Variants in TEX261 observed in about 807,000 individuals in gnomAD.
TEX261 encodes the protein testis expressed 261.
Under a neutral mutation model 25.1 loss-of-function variants are expected in TEX261, and 13 were observed. The ratio of observed to expected loss-of-function variants is 0.52; its 90% CI spans 0.34 to 0.82. The LOEUF is 0.82. TEX261 is among the 40% of genes least tolerant of loss of function. The pLI is 0.02. For synonymous variants in TEX261, 92 were observed against 97.8 expected, an observed-to-expected ratio of 0.94 and a Z score of 0.35; for missense variants, 206 against 243.2, an observed-to-expected ratio of 0.85 and a Z score of 1.02.
At chr2:70,993,290 C>A (rs1553425841) in intron 2 of TEX261, among the ~76,000 whole-genome samples, 1 of 152,276 alleles carries the variant, frequency 6.6e-6, no homozygotes, top group Non-Finnish European at 1.5e-5. Flanking sequence ...GGACAAATCA[C>A]TTGATCCGAT....
At chr2:70,989,453 G>T (rs1323430243) in intron 4 of TEX261, 1 of 436,902 alleles carries the variant, frequency 2.3e-6, no homozygotes, top group Non-Finnish European at 4.2e-6. Flanking sequence ...TGCCCTGTGA[G>T]GACTGTGTCA....
chr2:70,991,646 T>A (rs1670300156), intron 3 of TEX261, 184 bp downstream of exon 3: 1 of 629,260 alleles, frequency 1.6e-6, no homozygotes, highest in Admixed American at 3.2e-5. Flanking sequence ...CAACAAATTC[T>A]ATTCACTAGA....
chr2:70,988,750 G>C (rs782009792), intron 5 of TEX261, 35 bp from the exon 6 acceptor site: 1 of 1,573,286 alleles, frequency 6.4e-7, no homozygotes. Flanking sequence ...GAGAGAGAGA[G>C]AGAGTGTGTG....
At chr2:70,993,910 G>T in intron 1 of TEX261, 135 bp from the exon 2 acceptor site, 1 of 693,890 alleles carries the variant, frequency 1.4e-6, no homozygotes, top group Non-Finnish European at 2.6e-6. Context: ...CATCCCATGT[G>T]TTGCCCTTCC....
intron 3 of TEX261, among the ~76,000 whole-genome samples, chr2:70,990,937 C>G (rs1246961031): frequency 6.6e-6 from 1 of 152,130 alleles, no homozygotes; most frequent in South Asian, 2.1e-4. Context: ...AAGGAAGAAA[C>G]CAGTTTTGGC....
chr2:70,993,383 A>G lies in TEX261; in HGVS notation c.150+313T>C, dbSNP rs186026499. Among the ~76,000 whole-genome samples, 911 of 152,348 alleles carry G rather than the reference A, an allele frequency of 6.0e-3. 8 individuals are homozygous for G. The highest frequency in any genetic ancestry group is 0.021 in the African/African-American group (857 of 41,580). On this transcript the variant is annotated intron_variant, in intron 2 of 5. Transcript: ENST00000272438. ...AATGCTGTGAGCAGAGCAAAGGGCT[A>G]AAGACAGCGGGAGAGAGCTAAGCAA... is the stretch of plus-strand genomic sequence containing the variant.
At position 70,988,682 on chromosome 2, in the gene TEX261, T is replaced by C. The variant is rs782619880; in HGVS notation, c.509A>G (p.Lys170Arg). ...DVVSNYFTKG[K>R]RGKRLGILVV... ...CAGGATCCCTAAGCGTTTGCCCCGC[T>C]TGCCTTTGGTGAAATAATTGGAGAC... Residue 170 changes from lysine (K) to arginine (R), a missense_variant, in exon 6 of 6, where the codon AAG (lysine) becomes AGG (arginine). Lys to Arg is a conservative substitution (Grantham distance 26). Transcript: ENST00000272438. 1.7e-5 allele frequency: 28 copies of C among 1,614,038 alleles called. No individual in the cohort carries two copies. In the African/African-American group the frequency reaches 3.6e-4, roughly 21 times the overall value.
Position 70,993,655 on chromosome 2 carries a change from C to A in TEX261, c.150+41G>T, listed in dbSNP as rs782749814. On this transcript the variant is annotated intron_variant, in intron 2 of 5. Coordinates refer to ENST00000272438, the MANE Select transcript of TEX261 (RefSeq NM_144582.3). ...CCCACTTCCTGCTTTTGAGGCAGGG[C>A]AAAAGAGTGAGGAGGACTCCTGGAG... 5 of 1,541,990 alleles carry A rather than the reference C, an allele frequency of 3.2e-6. No individual in the cohort carries two copies. In the African/African-American group the frequency reaches 6.8e-5, roughly 21 times the overall value.
chr2:70,988,685 C>T lies in TEX261; in HGVS notation c.506G>A (p.Gly169Asp). The change falls in exon 6 of 6, where the codon GGC becomes GAC. Residue 169 changes from glycine to aspartate, a missense_variant. By Grantham distance (94) the Gly-to-Asp change is moderately conservative. Transcript: ENST00000272438. ...GATCCCTAAGCGTTTGCCCCGCTTG[C>T]CTTTGGTGAAATAATTGGAGACGAC... ...DDVVSNYFTK[G>D]KRGKRLGILV... 6.2e-7 allele frequency: 1 copy of T among 1,614,140 alleles called. No homozygotes were observed. Among genetic ancestry groups the T allele is most frequent in the Non-Finnish European group, 8.5e-7 (1 of 1,180,008 alleles).
intron 2 of TEX261, among the ~76,000 whole-genome samples, chr2:70,992,383 G>A (rs1179682054): frequency 2.0e-5 from 3 of 152,066 alleles, no homozygotes; most frequent in African/African-American, 7.2e-5. Flanking sequence ...GATTACAGGT[G>A]TGAGCCACCG....
intron 3 of TEX261, 155 bp downstream of exon 3, chr2:70,991,675 G>T: frequency 1.2e-6 from 1 of 841,426 alleles, no homozygotes; most frequent in Non-Finnish European, 1.8e-6. Context: ...GGGCTCTAGA[G>T]TCCTCAGCAG....
intron 2 of TEX261, 91 bp downstream of exon 2, chr2:70,993,605 G>A (rs1213732874): frequency 2.5e-5 from 25 of 1,013,252 alleles, no homozygotes; most frequent in Non-Finnish European, 3.8e-5. Flanking sequence ...AGAGACACAG[G>A]CCTCATCATC....
At chr2:70,993,594 C>T in intron 2 of TEX261, 102 bp downstream of exon 2, 1 of 942,568 alleles carries the variant, frequency 1.1e-6, no homozygotes, top group Non-Finnish European at 1.7e-6. Context: ...CAGGAAACAG[C>T]AGAGACACAG....
In TEX261 at chr2:70,994,766, C is replaced by G. The variant is rs1449006708; in HGVS notation, c.-9G>C. The G allele has an allele frequency of 6.3e-7, 1 of 1,583,720 alleles. No homozygotes were observed. The highest frequency in any genetic ancestry group is 8.6e-7 in the Non-Finnish European group (1 of 1,167,996). ...AGGTACATGAACCACATGGCGCCCC[C>G]ACCCGCCCGCTCCCCGGCCACCGGG... is the stretch of plus-strand genomic sequence containing the variant. On this transcript the variant is annotated 5_prime_UTR_variant, in exon 1 of 6. Coordinates refer to ENST00000272438, the MANE Select transcript of TEX261 (RefSeq NM_144582.3).
At chr2:70,988,753 AGTGT>A (rs536484771) in intron 5 of TEX261, 38 bp from the exon 6 acceptor site, 63 of 1,350,512 alleles carry the variant, frequency 4.7e-5, no homozygotes, top group Non-Finnish European at 5.9e-5. Flanking sequence ...AGAGAGAGAG[AGTGT>A]GTGTGTGTGT....
chr2:70,992,057 C>A (rs570247807), intron 2 of TEX261, 74 bp from the exon 3 acceptor site: 4 of 1,436,168 alleles, frequency 2.8e-6, no homozygotes. Context: ...ACCCCCAGCC[C>A]GCTCTGGGCA....
chr2:70,989,328 G>A (rs1232058650), intron 4 of TEX261: 1 of 468,188 alleles, frequency 2.1e-6, no homozygotes, highest in Non-Finnish European at 3.9e-6. Context: ...CCAAAGAAGT[G>A]ACCTTGCTCT....
rs1553425898 is a variant in TEX261, at chr2:70,993,743, C to T, written c.103G>A (p.Glu35Lys). 1 of 1,613,370 alleles carries T rather than the reference C, an allele frequency of 6.2e-7. No homozygotes were observed. The change falls in exon 2 of 6, where the codon GAA (glutamate) becomes AAA (lysine). Residue 35 changes from glutamate to lysine, a missense_variant. By Grantham distance (56) the Glu-to-Lys change is moderately conservative (BLOSUM62 1). Coordinates refer to ENST00000272438, the MANE Select transcript of TEX261 (RefSeq NM_144582.3). ...AGLYYLAELI[E>K]EYTVATSRII... is the part of the protein sequence containing the mutation. ...CTGCTGGTGGCCACTGTGTATTCTT[C>T]TATCAGTTCTGCCAGGTAATAGAGT...
intron 3 of TEX261, 155 bp downstream of exon 3, chr2:70,991,674 AG>A: frequency 1.2e-6 from 1 of 817,664 alleles, no homozygotes; most frequent in Non-Finnish European, 1.9e-6. Context: ...TGGGCTCTAG[AG>A]TCCTCAGCAG....
Sources: allele counts gnomAD v4.1 joint callset (sites outside exome capture counted in the v4.1 genomes callset), GRCh38; gene constraint gnomAD v4.1.1; transcripts MANE v1.5; gene names NCBI Gene and HGNC (gene_info 2026-07-23, HGNC 2026-07-21).